SPDYE10: variants seen among roughly 807,000 people sequenced by gnomAD.
SPDYE10 encodes speedy protein E10.
the SPDYE10 span, among the ~76,000 whole-genome samples, chr7:73,114,422 A>G: frequency 6.7e-6 from 1 of 148,964 alleles, no homozygotes; most frequent in Admixed American, 7.0e-5. Context: ...CATTCCCACC[A>G]GCACATATGA....
the SPDYE10 span, among the ~76,000 whole-genome samples, chr7:73,139,560 A>T: frequency 6.8e-5 from 10 of 146,204 alleles, no homozygotes; most frequent in South Asian, 4.4e-4. Flanking sequence ...TGACCTCATG[A>T]TCTGTCCACC....
At chr7:73,135,150 A>G in the SPDYE10 span, among the ~76,000 whole-genome samples, 1 of 152,172 alleles carries the variant, frequency 6.6e-6, no homozygotes, top group African/African-American at 2.4e-5. Flanking sequence ...GGGAGACCCA[A>G]GGAAAGCTGG....
At chr7:73,142,545 GA>G in the SPDYE10 span, among the ~76,000 whole-genome samples, 1 of 152,196 alleles carries the variant, frequency 6.6e-6, no homozygotes, top group Admixed American at 6.5e-5. Flanking sequence ...ACATTGAACA[GA>G]GAACAGGATC....
At chr7:73,126,712 CTG>C in the SPDYE10 span, among the ~76,000 whole-genome samples, 1 of 145,986 alleles carries the variant, frequency 6.8e-6, no homozygotes, top group Non-Finnish European at 1.5e-5. Flanking sequence ...GGGTCTCACT[CTG>C]TCACCCAGGC....
chr7:73,127,599 GA>G, the SPDYE10 span, among the ~76,000 whole-genome samples: 4,835 of 62,164 alleles, frequency 0.078, 44 homozygotes, highest in Non-Finnish European at 0.1. Context: ...GGAAGGGGGA[GA>G]GGAAGGGGAA....
chr7:73,155,222 G>A, the SPDYE10 span: 1 of 251,564 alleles, frequency 4.0e-6, no homozygotes. Flanking sequence ...GACGGGGCGC[G>A]GGCGGACGAT....
At chr7:73,145,235 T>C in the SPDYE10 span, among the ~76,000 whole-genome samples, 2 of 134,892 alleles carry the variant, frequency 1.5e-5, no homozygotes, top group African/African-American at 3.0e-5. Context: ...CATTTCTTTC[T>C]TTTGTCTTTC....
chr7:73,154,569 G>C, the SPDYE10 span, among the ~76,000 whole-genome samples: 1 of 144,454 alleles, frequency 6.9e-6, no homozygotes, highest in Non-Finnish European at 1.5e-5. Flanking sequence ...CCTACATCTT[G>C]GCGCTCCCAG....
chr7:73,127,024 T>TTC, the SPDYE10 span, among the ~76,000 whole-genome samples: 226 of 112,470 alleles, frequency 2.0e-3, no homozygotes, highest in Middle Eastern at 4.2e-3. Flanking sequence ...GTTCAAGTAG[T>TTC]TCTCCTGCCT....
chr7:73,135,862 G>C, the SPDYE10 span, among the ~76,000 whole-genome samples: 17 of 90,236 alleles, frequency 1.9e-4, no homozygotes, highest in Non-Finnish European at 1.3e-4. Flanking sequence ...AGCCACCACC[G>C]CACCCGGTCT....
chr7:73,145,176 C>T, the SPDYE10 span, among the ~76,000 whole-genome samples: 11 of 119,688 alleles, frequency 9.2e-5, no homozygotes, highest in Admixed American at 6.4e-4. Context: ...CTTTCTCTCT[C>T]TCTTTCATCT....
the SPDYE10 span, among the ~76,000 whole-genome samples, chr7:73,149,437 G>A: frequency 1.2e-3 from 176 of 143,384 alleles, no homozygotes; most frequent in Non-Finnish European, 2.3e-3. Context: ...ACAGGTGCCC[G>A]TCACCATGCC....
At chr7:73,141,525 C>A in the SPDYE10 span, among the ~76,000 whole-genome samples, 2 of 136,050 alleles carry the variant, frequency 1.5e-5, no homozygotes, top group Admixed American at 7.6e-5. Context: ...CTATCACAGC[C>A]AAGAAGAGCC....
chr7:73,127,621 A>C, the SPDYE10 span, among the ~76,000 whole-genome samples: 1 of 103,872 alleles, frequency 9.6e-6, no homozygotes, highest in African/African-American at 3.4e-5. Flanking sequence ...GGGGAAGGGA[A>C]TGGAAGGGAA....
the SPDYE10 span, among the ~76,000 whole-genome samples, chr7:73,149,350 C>A: frequency 3.6e-5 from 5 of 138,438 alleles, no homozygotes; most frequent in African/African-American, 1.4e-4. Flanking sequence ...TGCAGTGGCG[C>A]AATCTCAGCT....
chr7:73,104,123 CTT>C, the SPDYE10 span: 1 of 141,104 alleles, frequency 7.1e-6, no homozygotes, highest in Non-Finnish European at 1.6e-5. Context: ...CACACATCCT[CTT>C]TAAAGTAACA....
chr7:73,138,620 A>AC, the SPDYE10 span, among the ~76,000 whole-genome samples: 1 of 151,620 alleles, frequency 6.6e-6, no homozygotes, highest in Non-Finnish European at 1.5e-5. Context: ...CTCGTGATCC[A>AC]CCCACCTCAC....
At chr7:73,128,042 A>G in the SPDYE10 span, among the ~76,000 whole-genome samples, 1 of 149,182 alleles carries the variant, frequency 6.7e-6, no homozygotes, top group South Asian at 2.1e-4. Flanking sequence ...TTAAAACAAG[A>G]GAAAAAAACA....
the SPDYE10 span, among the ~76,000 whole-genome samples, chr7:73,143,751 G>A: frequency 1.3e-5 from 2 of 152,040 alleles, no homozygotes; most frequent in African/African-American, 4.8e-5. Context: ...AGGCTGGAGT[G>A]CAGGGGCGCA....
Sources: gnomAD v4.1 joint callset for allele counts (sites outside exome capture counted in the v4.1 genomes callset) on GRCh38, gnomAD v4.1.1 for gene constraint, MANE v1.5 for transcripts, NCBI Gene and HGNC (gene_info 2026-07-23, HGNC 2026-07-21) for gene names.